The following NCAM2 variants were observed in gnomAD, a reference collection of about 807,000 sequenced individuals.
The protein encoded by NCAM2 is neural cell adhesion molecule 2.
A neutral mutation model predicts 98.1 loss-of-function variants in NCAM2; 30 were observed. The observed-to-expected ratio is 0.31, with a 90% confidence interval of 0.23 to 0.41. NCAM2 has a LOEUF of 0.41. Ranked by LOEUF, NCAM2 falls within the 10% of genes least tolerant of loss-of-function variation. The pLI, the probability that NCAM2 is intolerant of heterozygous loss-of-function variation, is 1.00. For missense variants in NCAM2, 867 were observed against 1,005.8 expected, an observed-to-expected ratio of 0.86 and a Z score of 1.87; for synonymous variants, 368 against 342.4, an observed-to-expected ratio of 1.07 and a Z score of -0.83.
At chr21:21,440,068 G>A (rs542339787) in intron 12 of NCAM2, among the ~76,000 whole-genome samples, 70 of 152,288 alleles carry the variant, frequency 4.6e-4, no homozygotes, top group South Asian at 3.5e-3. Flanking sequence ...ATTTCTCTTA[G>A]TATATTTGGC....
chr21:21,182,332 A>C (rs2068505018), intron 1 of NCAM2, among the ~76,000 whole-genome samples: 1 of 152,164 alleles, frequency 6.6e-6, no homozygotes, highest in Non-Finnish European at 1.5e-5. Flanking sequence ...CATCTCACAC[A>C]GTGTAAGAGG....
chr21:21,406,706 A>G (rs1214800281), intron 9 of NCAM2, among the ~76,000 whole-genome samples: 1 of 152,206 alleles, frequency 6.6e-6, no homozygotes, highest in Admixed American at 6.5e-5. Flanking sequence ...TTCTTCCAAT[A>G]AAGTCACTTC....
chr21:21,411,777 C>T lies in NCAM2; in HGVS notation c.1383+1316C>T, dbSNP rs529158701. Reference sequence around the variant, plus strand: ...TTAACTTAAAATGTCCTCATTGATGCCATTTAGACTTTAAAAAAATTCGTT... The same window carrying T: ...TTAACTTAAAATGTCCTCATTGATGTCATTTAGACTTTAAAAAAATTCGTT... On this transcript the variant is annotated intron_variant, in intron 10 of 17. Transcript: ENST00000400546. Among the ~76,000 whole-genome samples the T allele has an allele frequency of 1.9e-4, 29 of 152,222 alleles. 1 individual carries two copies. The South Asian group carries it at 3.9e-3, about 21-fold the overall frequency.
At chr21:21,468,931 T>C (rs564930467) in intron 14 of NCAM2, 148 bp downstream of exon 14, 11 of 698,448 alleles carry the variant, frequency 1.6e-5, no homozygotes, top group East Asian at 1.3e-4. Context: ...ACAGTCATCA[T>C]TGTGATTTTT....
intron 1 of NCAM2, among the ~76,000 whole-genome samples, chr21:21,144,350 G>A (rs199809031): frequency 8.2e-4 from 119 of 144,982 alleles, no homozygotes; most frequent in Middle Eastern, 3.7e-3. Context: ...ATCTCAAAAA[G>A]AAAAAAAAAA....
At chr21:21,438,194 A>T (rs138823694) in intron 12 of NCAM2, among the ~76,000 whole-genome samples, 63 of 152,144 alleles carry the variant, frequency 4.1e-4, no homozygotes, top group African/African-American at 1.4e-3. Context: ...TAGTAAATAT[A>T]TATGATTTTG....
At position 21,010,629 on chromosome 21, in the gene NCAM2, T is replaced by A. The variant is rs140484717; in HGVS notation, c.55+12011T>A. 2.3e-3 allele frequency among the ~76,000 whole-genome samples: 354 copies of A among 152,210 alleles called. 2 individuals are homozygous for A. Among genetic ancestry groups the A allele is most frequent in the African/African-American group, 8.4e-3 (348 of 41,546 alleles). ...CTAGGAAAATCAAAGGATTAAACTA[T>A]TGACTATGGGAGGAAAGAGGACTTT... On this transcript the variant is annotated intron_variant, in intron 1 of 17. Coordinates refer to ENST00000400546, the MANE Select transcript of NCAM2 (RefSeq NM_004540.5).
chr21:21,177,249 C>A (rs2146885589), intron 1 of NCAM2, among the ~76,000 whole-genome samples: 1 of 152,074 alleles, frequency 6.6e-6, no homozygotes, highest in East Asian at 1.9e-4. Context: ...ACAAATAAAT[C>A]AGTGTTAAAC....
chr21:21,083,521 C>G (rs1174225511), intron 1 of NCAM2, among the ~76,000 whole-genome samples: 4 of 151,826 alleles, frequency 2.6e-5, no homozygotes, highest in African/African-American at 9.7e-5. Context: ...CCCCGTGATC[C>G]TCCCTTCTCA....
At chr21:21,495,127 TGGGG>T (rs199656234) in intron 15 of NCAM2, among the ~76,000 whole-genome samples, 2 of 150,956 alleles carry the variant, frequency 1.3e-5, no homozygotes, top group African/African-American at 4.9e-5. Flanking sequence ...AGGGCGGCCA[TGGGG>T]GGCTACTTAA....
At chr21:21,184,666 T>C (rs1291750921) in intron 1 of NCAM2, among the ~76,000 whole-genome samples, 1 of 152,150 alleles carries the variant, frequency 6.6e-6, no homozygotes, top group African/African-American at 2.4e-5. Context: ...AGAGTTAATA[T>C]TCAAATAACA....
chr21:21,358,509 C>G (rs528586682), intron 8 of NCAM2, among the ~76,000 whole-genome samples: 4 of 151,962 alleles, frequency 2.6e-5, no homozygotes, highest in Non-Finnish European at 5.9e-5. Flanking sequence ...ACACGCACAT[C>G]CACTTTCATG....
chr21:21,229,814 T>C (rs562383723), intron 1 of NCAM2, among the ~76,000 whole-genome samples: 1 of 151,592 alleles, frequency 6.6e-6, no homozygotes, highest in South Asian at 2.1e-4. Context: ...TAAGGATTTT[T>C]CATGAACCAA....
chr21:21,196,318 G>C (rs920823159), intron 1 of NCAM2, among the ~76,000 whole-genome samples: 1 of 152,316 alleles, frequency 6.6e-6, no homozygotes, highest in East Asian at 1.9e-4. Flanking sequence ...AAAAAGGACT[G>C]ACCATTTCTT....
chr21:21,147,853 T>C (rs1215011933), intron 1 of NCAM2, among the ~76,000 whole-genome samples: 1 of 150,936 alleles, frequency 6.6e-6, no homozygotes, highest in Non-Finnish European at 1.5e-5. Flanking sequence ...ATATAGGATA[T>C]TTAAATTAGG....
intron 1 of NCAM2, among the ~76,000 whole-genome samples, chr21:21,217,224 G>T (rs187920068): frequency 6.6e-6 from 1 of 152,214 alleles, no homozygotes; most frequent in East Asian, 1.9e-4. Context: ...CCAGGTCTTT[G>T]TTATTGCTCA....
intron 9 of NCAM2, among the ~76,000 whole-genome samples, chr21:21,409,217 G>A (rs114519286): frequency 2.0e-3 from 311 of 152,160 alleles, no homozygotes; most frequent in African/African-American, 7.1e-3. Flanking sequence ...GATTTAGATC[G>A]TAGTCCTGGG....
At chr21:21,345,100 T>C (rs1233912944) in intron 8 of NCAM2, among the ~76,000 whole-genome samples, 2 of 152,072 alleles carry the variant, frequency 1.3e-5, no homozygotes, top group Non-Finnish European at 2.9e-5. Flanking sequence ...AAATACAACT[T>C]AGATCACAAT....
rs369571715 is a variant in NCAM2 at position 21,280,558 on chromosome 21, G to T, written c.56-20G>T. 1.6e-5 allele frequency: 25 copies of T among 1,550,018 alleles called. No homozygotes were observed. The South Asian group carries it at 2.1e-4, about 13-fold the overall frequency. Reference sequence around the variant, plus strand: ...TCACGCTTAAAAATCACCATTAATTGTTTCCCAATTTTTTTTCAGCTCTTC... The same window carrying T: ...TCACGCTTAAAAATCACCATTAATTTTTTCCCAATTTTTTTTCAGCTCTTC... On this transcript the variant is annotated intron_variant, in intron 1 of 17. Transcript: ENST00000400546.
Sources: gnomAD v4.1 joint callset for allele counts (sites outside exome capture counted in the v4.1 genomes callset) on GRCh38, gnomAD v4.1.1 for gene constraint, MANE v1.5 for transcripts, NCBI Gene and HGNC (gene_info 2026-07-23, HGNC 2026-07-21) for gene names.